The following NPTN variants were observed in gnomAD, a reference collection of about 807,000 sequenced individuals.
NPTN encodes SDR-1.
NPTN carries 5 observed loss-of-function variants against 42.7 expected under a neutral mutation model. That is an observed-to-expected ratio of 0.12 (90% CI 0.06 to 0.25). The LOEUF (loss-of-function observed/expected upper bound fraction) is 0.25, where lower values mean the gene tolerates loss of function less well. NPTN is among the 10% of genes least tolerant of loss of function. NPTN has a pLI of 1.00. For missense variants in NPTN, 307 were observed against 525.4 expected, an observed-to-expected ratio of 0.58 and a Z score of 4.06; for synonymous variants, 180 against 201.9, an observed-to-expected ratio of 0.89 and a Z score of 0.92.
chr15:73,606,394 A>G (rs1897296876), intron 1 of NPTN, among the ~76,000 whole-genome samples: 5 of 152,204 alleles, frequency 3.3e-5, no homozygotes. Flanking sequence ...CAACTTCACA[A>G]ATAGTACTTA....
chr15:73,583,812 G>A (rs948108574), intron 4 of NPTN, among the ~76,000 whole-genome samples: 5 of 152,196 alleles, frequency 3.3e-5, no homozygotes, highest in African/African-American at 7.2e-5. Flanking sequence ...AGTGAAGAAA[G>A]GACGGTGGAG....
At chr15:73,578,117 A>G (rs1178532658) in intron 4 of NPTN, among the ~76,000 whole-genome samples, 3 of 152,106 alleles carry the variant, frequency 2.0e-5, no homozygotes, top group East Asian at 1.9e-4. Flanking sequence ...AGGAGAAGAG[A>G]GCAGGAAATA....
At chr15:73,612,357 T>A (rs151265576) in intron 1 of NPTN, among the ~76,000 whole-genome samples, 503 of 148,250 alleles carry the variant, frequency 3.4e-3, no homozygotes, top group Non-Finnish European at 5.8e-3. Flanking sequence ...AGGTCGAAGC[T>A]GCAATAAACC....
At chr15:73,562,329 G>C (rs763069492) in intron 7 of NPTN, among the ~76,000 whole-genome samples, 13 of 152,150 alleles carry the variant, frequency 8.5e-5, no homozygotes, top group Non-Finnish European at 1.5e-4. Flanking sequence ...AGATTTTGGA[G>C]CATTTCAGAT....
chr15:73,570,541 A>T lies in NPTN; in HGVS notation c.841-118T>A, dbSNP rs1305224321. On this transcript the variant is annotated intron_variant, in intron 5 of 8. Transcript: ENST00000345330. The surrounding 1 kb of genome is among the most constrained non-coding windows in gnomAD (Gnocchi z 4.0). ...CAGCCAGAATGAGGAAGCAGTGTCT[A>T]GGAACATTTCATTAATGATTTCCCT... The T allele has an allele frequency of 1.2e-6, 1 of 860,640 alleles. No homozygotes were observed. The highest frequency in any genetic ancestry group is 2.6e-5 in the East Asian group (1 of 38,330). 53.3% of individuals were successfully genotyped at this position (860,640 alleles called of 1,614,324 possible). A position where few individuals can be genotyped will look rare whatever the true frequency, so the allele number is the denominator to read the frequency against.
rs1897275668 is a variant in NPTN, at chr15:73,605,741, A to G, written c.92-8372T>C. ...AAACTCACCTCAAAAAAAAAAAAAA[A>G]GAATTGGAAAATGTTAAAAGCAAAG... is the stretch of plus-strand genomic sequence containing the variant. On this transcript the variant is annotated intron_variant, in intron 1 of 8. Coordinates refer to ENST00000345330, the MANE Select transcript of NPTN (RefSeq NM_012428.4). Among the ~76,000 whole-genome samples, 6 of 147,984 alleles carry G rather than the reference A, an allele frequency of 4.1e-5. No homozygotes were observed. In the South Asian group the frequency reaches 1.3e-3, roughly 32 times the overall value.
At chr15:73,579,339 G>A (rs1480483365) in intron 4 of NPTN, among the ~76,000 whole-genome samples, 1 of 151,968 alleles carries the variant, frequency 6.6e-6, no homozygotes, top group African/African-American at 2.4e-5. Flanking sequence ...CAAGTCTGGA[G>A]TTCAGGGAAA....
At chr15:73,586,559 G>A (rs1896328590) in intron 4 of NPTN, among the ~76,000 whole-genome samples, 1 of 152,160 alleles carries the variant, frequency 6.6e-6, no homozygotes, top group Non-Finnish European at 1.5e-5. Context: ...CTTTGAATGT[G>A]TCTAAGCCTT....
chr15:73,627,026 G>C (rs1187284851), intron 1 of NPTN, among the ~76,000 whole-genome samples: 1 of 152,194 alleles, frequency 6.6e-6, no homozygotes, highest in Non-Finnish European at 1.5e-5. Flanking sequence ...CCTAAGGTCA[G>C]GAGTTCGAGA....
At position 73,569,474 on chromosome 15, in the gene NPTN, T is replaced by C; in HGVS notation, c.1114+676A>G. 1 of 985,440 alleles carries C rather than the reference T, an allele frequency of 1.0e-6. No homozygotes were observed. The highest frequency in any genetic ancestry group is 1.7e-5 in the African/African-American group (1 of 57,364). The allele number at this position is 985,440 out of a possible 1,614,324, so 61.0% of individuals were successfully genotyped here. ...CACAGCCTCGGGGCATGGACTCCAT[T>C]TGTTCCGCCTTTGCTATCTCTGTCT... On this transcript the variant is annotated intron_variant, in intron 6 of 8. Coordinates refer to ENST00000345330, the MANE Select transcript of NPTN (RefSeq NM_012428.4). The surrounding 1 kb of genome is among the most constrained non-coding windows in gnomAD (Gnocchi z 4.1).
chr15:73,595,018 G>C (rs1896768104), intron 2 of NPTN, among the ~76,000 whole-genome samples: 1 of 151,948 alleles, frequency 6.6e-6, no homozygotes, highest in Middle Eastern at 3.2e-3. Flanking sequence ...AGCTAACTTG[G>C]GTTAACTGAC....
intron 1 of NPTN, among the ~76,000 whole-genome samples, chr15:73,617,133 G>C (rs1004123738): frequency 6.6e-6 from 1 of 152,120 alleles, no homozygotes; most frequent in African/African-American, 2.4e-5. Context: ...TAAATACCAA[G>C]ATGAATTGTA....
chr15:73,633,057 G>C (rs1045729864), intron 1 of NPTN, 68 bp downstream of exon 1: 1 of 1,169,244 alleles, frequency 8.6e-7, no homozygotes, highest in Non-Finnish European at 1.1e-6. Context: ...CCTCAGGCCA[G>C]AGCCGGGCCC....
rs552022158 is a variant in NPTN at position 73,633,354 on chromosome 15, C to A, written c.-139G>T. 5.2e-6 allele frequency: 3 copies of A among 573,534 alleles called. No homozygotes were observed. Among genetic ancestry groups the A allele is most frequent in the African/African-American group, 2.0e-5 (1 of 51,260 alleles). 35.5% of individuals were successfully genotyped at this position (573,534 alleles called of 1,614,324 possible). The stretch of plus-strand genomic sequence containing the variant: ...CAGCCGCGGCTCGGCTCCGTCCTTC[C>A]CCGTCCTCCTCCTGCCGCCGCAGCG... On this transcript the variant is annotated 5_prime_UTR_variant, in exon 1 of 9. Transcript: ENST00000345330.
Position 73,597,793 on chromosome 15 carries a change from T to C in NPTN, c.92-424A>G, listed in dbSNP as rs905642981. On this transcript the variant is annotated intron_variant, in intron 1 of 8. Coordinates refer to ENST00000345330, the MANE Select transcript of NPTN (RefSeq NM_012428.4). The surrounding 1 kb of genome is among the most constrained non-coding windows in gnomAD (Gnocchi z 6.3). Reference sequence around the variant, plus strand: ...ATAACCAGAAGAGGCAGTAGTTTTATATGCCAAATCAGGATCTCTCTTTTG... The same window carrying C: ...ATAACCAGAAGAGGCAGTAGTTTTACATGCCAAATCAGGATCTCTCTTTTG... Among the ~76,000 whole-genome samples, 7 of 152,248 alleles carry C rather than the reference T, an allele frequency of 4.6e-5. No individual in the cohort carries two copies. The highest frequency in any genetic ancestry group is 1.0e-4 in the Non-Finnish European group (7 of 68,034).
chr15:73,588,816 A>C (rs1418441483), intron 3 of NPTN, among the ~76,000 whole-genome samples: 1 of 152,172 alleles, frequency 6.6e-6, no homozygotes, highest in African/African-American at 2.4e-5. Flanking sequence ...TTATATATTT[A>C]TGTGATTACT....
chr15:73,587,356 T>C (rs1222847907), intron 4 of NPTN, among the ~76,000 whole-genome samples, 168 bp downstream of exon 4: 2 of 152,128 alleles, frequency 1.3e-5, no homozygotes, highest in East Asian at 3.9e-4. Flanking sequence ...ATGATGGGGT[T>C]TGAATTTAAA....
intron 1 of NPTN, among the ~76,000 whole-genome samples, chr15:73,618,988 A>T (rs1897995852): frequency 1.3e-5 from 2 of 151,368 alleles, no homozygotes; most frequent in Non-Finnish European, 2.9e-5. Context: ...GAGCCTGGGA[A>T]GTCGAGGCTG....
At chr15:73,627,731 T>C (rs1258372726) in intron 1 of NPTN, among the ~76,000 whole-genome samples, 154 of 152,330 alleles carry the variant, frequency 1.0e-3, no homozygotes, top group Admixed American at 9.9e-3. Context: ...GACAATATAA[T>C]AAATTGAAAT....
Sources: allele counts gnomAD v4.1 joint callset (sites outside exome capture counted in the v4.1 genomes callset), GRCh38; gene constraint gnomAD v4.1.1; non-coding constraint Gnocchi (gnomAD v3.1); transcripts MANE v1.5; gene names NCBI Gene and HGNC (gene_info 2026-07-23, HGNC 2026-07-21).